WDR7: variants seen among roughly 807,000 people sequenced by gnomAD.
The protein encoded by WDR7 is WD repeat-containing protein 7.
In WDR7, 46 loss-of-function variants were observed where a neutral mutation model predicts 169.4. That is an observed-to-expected ratio of 0.27 (90% CI 0.21 to 0.35). The LOEUF (loss-of-function observed/expected upper bound fraction) is 0.35, where lower values mean the gene tolerates loss of function less well. WDR7 is among the 10% of genes least tolerant of loss of function. The pLI, the probability that WDR7 is intolerant of heterozygous loss-of-function variation, is 1.00. For synonymous variants in WDR7, 612 were observed against 666.8 expected, an observed-to-expected ratio of 0.92 and a Z score of 1.27; for missense variants, 1,534 against 1,859.3, an observed-to-expected ratio of 0.83 and a Z score of 3.22.
chr18:56,820,359 A>AAAACAAAAAAACAAAAAC (rs1555695957), intron 20 of WDR7, among the ~76,000 whole-genome samples: 2 of 127,464 alleles, frequency 1.6e-5, no homozygotes, highest in African/African-American at 7.1e-5. Flanking sequence ...AAAAAAAAAA[A>AAAACAAAAAAACAAAAAC]AAAAACCACC....
chr18:56,750,769 C>T (rs1188830420), intron 14 of WDR7, among the ~76,000 whole-genome samples: 1 of 152,100 alleles, frequency 6.6e-6, no homozygotes, highest in Non-Finnish European at 1.5e-5. Context: ...TTTTAATTTC[C>T]CTATAGATAA....
At chr18:56,928,351 G>C (rs1421862562) in intron 22 of WDR7, among the ~76,000 whole-genome samples, 1 of 152,124 alleles carries the variant, frequency 6.6e-6, no homozygotes, top group Non-Finnish European at 1.5e-5. Flanking sequence ...TGTAGTCCCA[G>C]CTACCAGGGA....
At chr18:56,747,681 A>G (rs1186068956) in intron 14 of WDR7, among the ~76,000 whole-genome samples, 1 of 152,176 alleles carries the variant, frequency 6.6e-6, no homozygotes, top group Non-Finnish European at 1.5e-5. Flanking sequence ...GAGAGGCTTG[A>G]CATTAGGAGG....
chr18:56,963,250 T>C, intron 26 of WDR7, among the ~76,000 whole-genome samples: 1 of 152,182 alleles, frequency 6.6e-6, no homozygotes, highest in East Asian at 1.9e-4. Context: ...GGCTCCACCA[T>C]GATCATGGTA....
chr18:56,998,802 T>C (rs1206654907), intron 26 of WDR7, among the ~76,000 whole-genome samples: 1 of 152,144 alleles, frequency 6.6e-6, no homozygotes, highest in Non-Finnish European at 1.5e-5. Flanking sequence ...AAGTGGCTAT[T>C]TATATAAGAG....
Position 57,027,225 on chromosome 18 carries a change from G to A in WDR7, c.*18G>A, listed in dbSNP as rs77321591. 2,050 of 1,599,480 alleles carry A rather than the reference G, an allele frequency of 1.3e-3. 25 individuals are homozygous for A. The African/African-American group carries it at 0.023, about 18-fold the overall frequency. ...TGGTCTAATGCTGCTGCCTGCCGCC[G>A]TGACTGCGTTTTAGTTCTCTAAATT... On this transcript the variant is annotated 3_prime_UTR_variant, in exon 28 of 28. Coordinates refer to ENST00000254442, the MANE Select transcript of WDR7 (RefSeq NM_015285.3).
chr18:56,912,900 G>A (rs1263060724), intron 21 of WDR7, among the ~76,000 whole-genome samples: 1 of 149,218 alleles, frequency 6.7e-6, no homozygotes, highest in Non-Finnish European at 1.5e-5. Context: ...TTTTTGAGAC[G>A]GTCTCACTCT....
At chr18:56,815,930 T>C in intron 19 of WDR7, 101 bp from the exon 20 acceptor site, 2 of 882,022 alleles carry the variant, frequency 2.3e-6, no homozygotes, top group Non-Finnish European at 3.4e-6. Flanking sequence ...TTTTAATGTA[T>C]TGTGTTTATG....
chr18:56,679,514 A>T (rs371729249), intron 3 of WDR7, 76 bp downstream of exon 3: 22 of 546,828 alleles, frequency 4.0e-5, no homozygotes, highest in Non-Finnish European at 6.1e-5. Context: ...GTAGCGAGGT[A>T]TTTTTTTTTT....
At position 56,756,764 on chromosome 18, in the gene WDR7, C is replaced by G. The variant is rs780303667; in HGVS notation, c.2171C>G (p.Ser724Cys). 1 of 1,614,122 alleles carries G rather than the reference C, an allele frequency of 6.2e-7. No individual in the cohort carries two copies. The highest frequency in any genetic ancestry group is 1.7e-5 in the Admixed American group (1 of 60,002). ...LISPENLQKASGSSDKGGSFL... is the reference protein window; with the variant it reads ...LISPENLQKACGSSDKGGSFL... The stretch of plus-strand genomic sequence containing the variant: ...TCCCCAGAGAATTTGCAAAAAGCAT[C>G]TGGCAGTTCAGACAAAGGGGGCTCT... Residue 724 changes from serine (S) to cysteine (C), a missense_variant, in exon 15 of 28, where the codon TCT (serine) becomes TGT (cysteine). Physicochemically the swap from Ser to Cys is moderately radical, Grantham distance 112. Coordinates refer to ENST00000254442, the MANE Select transcript of WDR7 (RefSeq NM_015285.3).
intron 3 of WDR7, 42 bp downstream of exon 3, chr18:56,679,480 A>G (rs765160473): frequency 4.0e-6 from 6 of 1,484,884 alleles, no homozygotes; most frequent in Non-Finnish European, 5.6e-6. Flanking sequence ...ATGAGTCTTT[A>G]TAACTAGCAC....
intron 19 of WDR7, among the ~76,000 whole-genome samples, chr18:56,808,525 T>TA (rs1369396322): frequency 6.6e-6 from 1 of 152,096 alleles, no homozygotes; most frequent in East Asian, 1.9e-4. Context: ...TAATCTTCAA[T>TA]AAAAAAATGA....
chr18:56,795,283 G>T (rs368197162), intron 19 of WDR7, among the ~76,000 whole-genome samples: 1 of 151,996 alleles, frequency 6.6e-6, no homozygotes, highest in African/African-American at 2.4e-5. Context: ...TGCCCACCTC[G>T]TTTCCTGACT....
intron 19 of WDR7, among the ~76,000 whole-genome samples, chr18:56,812,979 A>G (rs1043380405): frequency 2.1e-5 from 3 of 141,808 alleles, no homozygotes; most frequent in African/African-American, 5.2e-5. Flanking sequence ...GAATTGAACA[A>G]TGAGATCACA....
At chr18:56,702,409 A>G (rs534299266) in intron 12 of WDR7, among the ~76,000 whole-genome samples, 1 of 152,256 alleles carries the variant, frequency 6.6e-6, no homozygotes, top group Non-Finnish European at 1.5e-5. Flanking sequence ...TTATTTTAAT[A>G]TATCAAGAGT....
At chr18:56,802,545 T>A (rs756700141) in intron 19 of WDR7, among the ~76,000 whole-genome samples, 5 of 149,358 alleles carry the variant, frequency 3.3e-5, no homozygotes, top group Non-Finnish European at 6.0e-5. Flanking sequence ...TTTTTTTGTA[T>A]TTTTAGTAGA....
intron 26 of WDR7, chr18:57,010,386 TAG>T (rs968990566): frequency 6.1e-5 from 43 of 709,984 alleles, no homozygotes; most frequent in Non-Finnish European, 7.3e-5. Flanking sequence ...TATTCAGCAG[TAG>T]AGTGTCCATG....
chr18:56,785,828 T>C (rs35056423), intron 19 of WDR7, among the ~76,000 whole-genome samples: 22,544 of 144,546 alleles, frequency 0.16, 1,853 homozygotes, highest in East Asian at 0.28. Flanking sequence ...TTTTTTCTTT[T>C]TCTTTTTTTT....
intron 22 of WDR7, among the ~76,000 whole-genome samples, chr18:56,933,489 G>A (rs928620384): frequency 5.9e-5 from 9 of 152,198 alleles, no homozygotes; most frequent in African/African-American, 1.9e-4. Context: ...CACACCAACT[G>A]ATAACTGTGC....
Sources: allele counts gnomAD v4.1 joint callset (sites outside exome capture counted in the v4.1 genomes callset), GRCh38; gene constraint gnomAD v4.1.1; transcripts MANE v1.5; gene names NCBI Gene and HGNC (gene_info 2026-07-23, HGNC 2026-07-21).